TAF1: variants seen among roughly 807,000 people sequenced by gnomAD.
TAF1 encodes the protein transcription initiation factor TFIID subunit 1.
Under a neutral mutation model 138.5 loss-of-function variants are expected in TAF1, and 2 were observed. The ratio of observed to expected loss-of-function variants is 0.01; its 90% CI spans 0.01 to 0.05. TAF1 has a LOEUF of 0.05. Ranked by LOEUF, TAF1 falls within the 10% of genes least tolerant of loss-of-function variation. The pLI, the probability that TAF1 is intolerant of heterozygous loss-of-function variation, is 1.00. For missense variants in TAF1, 709 were observed against 1,478.0 expected (o/e 0.48, Z 8.53); for synonymous variants, 437 against 503.2 (o/e 0.87, Z 1.76).
chrX:71,420,028 T>G (rs923074977), intron 28 of TAF1: 6 of 296,812 alleles, frequency 2.0e-5, no homozygotes, highest in African/African-American at 1.6e-4. Flanking sequence ...AATTCTTTTT[T>G]TTTTTCCCCT....
At chrX:71,387,066 A>C (rs2034273569) in intron 14 of TAF1, 195 bp from the exon 15 acceptor site, 2 of 439,115 alleles carry the variant, frequency 4.6e-6, no homozygotes, top group Admixed American at 8.5e-5. Flanking sequence ...TCCCCTACTG[A>C]CTCTGAAAGA....
chrX:71,410,423 A>G (rs1475244472), intron 28 of TAF1, among the ~76,000 whole-genome samples: 2 of 103,868 alleles, frequency 1.9e-5, no homozygotes, highest in East Asian at 6.0e-4. Context: ...AAAGAGGAAG[A>G]TGACTTTACC....
At chrX:71,441,756 G>A (rs1174947399) in intron 32 of TAF1, 4 of 224,083 alleles carry the variant, frequency 1.8e-5, no homozygotes, top group Non-Finnish European at 3.3e-5. Flanking sequence ...CCATGTTGGT[G>A]TGCTGCATCC....
chrX:71,455,645 T>A (rs1353834738), intron 34 of TAF1, among the ~76,000 whole-genome samples: 5 of 112,275 alleles, frequency 4.5e-5, no homozygotes, highest in Non-Finnish European at 9.4e-5. Context: ...AAAGTTAACC[T>A]CTCTCACTTA....
intron 28 of TAF1, chrX:71,420,581 T>C: frequency 1.7e-6 from 2 of 1,209,960 alleles, no homozygotes; most frequent in South Asian, 3.5e-5. Flanking sequence ...TACCTCGTTC[T>C]GTAGCTCCTT....
intron 24 of TAF1, 33 bp from the exon 25 acceptor site, chrX:71,401,495 C>G (rs745705682): frequency 2.5e-6 from 3 of 1,205,164 alleles, no homozygotes; most frequent in Non-Finnish European, 3.4e-6. Flanking sequence ...AGCCTACTTA[C>G]CTCTGACGTG....
chrX:71,407,906 G>A, intron 27 of TAF1, 68 bp from the exon 28 acceptor site: 1 of 1,155,460 alleles, frequency 8.7e-7, no homozygotes, highest in Non-Finnish European at 1.2e-6. Context: ...GGTAAGATGT[G>A]AAAGTCTTCA....
chrX:71,368,045 T>C lies in TAF1; in HGVS notation c.236-9T>C, dbSNP rs1402791018. 8.3e-7 allele frequency: 1 copy of C among 1,206,551 alleles called. No individual in the cohort carries two copies. Among genetic ancestry groups the C allele is most frequent in the East Asian group, 3.0e-5 (1 of 33,742 alleles). ...ACTGTTGTTGCGATTCTCCCTGCTT[T>C]TTTCATAGGGTGGGTTAGGAGTACA... On this transcript the variant is annotated splice_polypyrimidine_tract_variant and intron_variant, in intron 2 of 37. Coordinates refer to ENST00000423759, the MANE Select transcript of TAF1 (RefSeq NM_004606.5).
intron 13 of TAF1, among the ~76,000 whole-genome samples, chrX:71,489,451 C>A (rs1018798680): frequency 9.0e-6 from 1 of 110,671 alleles, no homozygotes; most frequent in Non-Finnish European, 1.9e-5. Context: ...CCGAGGCAGG[C>A]GGATCACCCG....
At chrX:71,399,603 ACT>A (rs1226773915) in intron 24 of TAF1, among the ~76,000 whole-genome samples, 9 of 70,869 alleles carry the variant, frequency 1.3e-4, no homozygotes, top group African/African-American at 5.3e-4. Context: ...ACAGTGTCTC[ACT>A]CTGTTACCCA....
chrX:71,459,058 A>G, intron 35 of TAF1: 2 of 610,672 alleles, frequency 3.3e-6, no homozygotes, highest in Non-Finnish European at 4.7e-6. Flanking sequence ...CTGGGATATC[A>G]GGGAGGAGCA....
At position 71,484,621 on chromosome X, in the gene TAF1, C is replaced by T. The variant is rs942022673; in HGVS notation, c.1366+23818C>T. Among the ~76,000 whole-genome samples, 25 of 111,562 alleles carry T rather than the reference C, an allele frequency of 2.2e-4. 1 individual carries two copies. The highest frequency in any genetic ancestry group is 1.9e-3 in the Admixed American group (20 of 10,396). On this transcript the variant is annotated intron_variant and NMD_transcript_variant, in intron 13 of 14. Coordinates refer to the TAF1 transcript ENST00000373775. ...TGCTGGGATTACAGGTGTGAGCCAC[C>T]GCGCCTGGCCAAAATTAACTTATTA...
In TAF1 at chrX:71,453,670, A is replaced by T. The variant is rs2038155265; in HGVS notation, c.4754-500A>T. 2.7e-5 allele frequency among the ~76,000 whole-genome samples: 3 copies of T among 110,424 alleles called. No homozygotes were observed. In the South Asian group the frequency reaches 1.2e-3, roughly 44 times the overall value. On this transcript the variant is annotated intron_variant, in intron 32 of 37. Coordinates refer to ENST00000423759, the MANE Select transcript of TAF1 (RefSeq NM_004606.5). ...TGGGTTTTGAAAAATGTATAATGAC[A>T]TGTATCCACCATTATATTATCAGAC...
intron 13 of TAF1, among the ~76,000 whole-genome samples, chrX:71,507,872 G>A (rs1289277985): frequency 3.6e-5 from 4 of 109,845 alleles, no homozygotes; most frequent in Admixed American, 9.8e-5. Flanking sequence ...GATATAGGCC[G>A]GGCATGGTGG....
At position 71,391,582 on chromosome X, in the gene TAF1, A is replaced by G. The variant is rs779951219; in HGVS notation, c.2782-987A>G. Reference sequence around the variant, plus strand: ...AAAGAATTCTGTTGAATGGCTTTCCAGATTGAACCTTAGAGAATGGCCATT... The same window carrying G: ...AAAGAATTCTGTTGAATGGCTTTCCGGATTGAACCTTAGAGAATGGCCATT... On this transcript the variant is annotated intron_variant, in intron 18 of 37. Coordinates refer to ENST00000423759, the MANE Select transcript of TAF1 (RefSeq NM_004606.5). 2.7e-5 allele frequency among the ~76,000 whole-genome samples: 3 copies of G among 109,818 alleles called. No individual in the cohort carries two copies. The South Asian group carries it at 1.2e-3, about 42-fold the overall frequency.
intron 13 of TAF1, among the ~76,000 whole-genome samples, chrX:71,484,044 A>C (rs2039128029): frequency 9.2e-6 from 1 of 109,104 alleles, no homozygotes; most frequent in Admixed American, 9.9e-5. Context: ...TTTTTCTTTT[A>C]TTTTTTGTAG....
In TAF1 at chrX:71,522,962, AC is replaced by A. The variant is rs1399833335; in HGVS notation, c.1367-5578del. Among the ~76,000 whole-genome samples, 10 of 109,233 alleles carry A rather than the reference AC, an allele frequency of 9.2e-5. No homozygotes were observed. In the East Asian group the frequency reaches 1.7e-3, roughly 19 times the overall value. 94.9% of individuals were successfully genotyped at this position (109,233 alleles called of 115,157 possible). Reference sequence around the variant, plus strand: ...TTTGGGAGGCCGAGGCAAGGAGATCACCTGAGCTCAGGAGTTCAAGACCAGC... The same window carrying A: ...TTTGGGAGGCCGAGGCAAGGAGATCACTGAGCTCAGGAGTTCAAGACCAGC... On this transcript the variant is annotated intron_variant and NMD_transcript_variant, in intron 13 of 14. Coordinates refer to the TAF1 transcript ENST00000373775.
intron 13 of TAF1, among the ~76,000 whole-genome samples, chrX:71,483,770 C>CTATATA (rs1366024216): frequency 9.1e-5 from 7 of 77,147 alleles, no homozygotes; most frequent in South Asian, 7.2e-4. Context: ...CTCTCTCTCT[C>CTATATA]TCTCTCTCTC....
intron 13 of TAF1, among the ~76,000 whole-genome samples, chrX:71,512,327 C>A (rs1349907627): frequency 9.0e-6 from 1 of 110,786 alleles, no homozygotes; most frequent in East Asian, 2.8e-4. Flanking sequence ...AAACAAAAAA[C>A]AAAACAAAAC....
Sources: allele counts gnomAD v4.1 joint callset (sites outside exome capture counted in the v4.1 genomes callset), GRCh38; gene constraint gnomAD v4.1.1; transcripts MANE v1.5; gene names NCBI Gene and HGNC (gene_info 2026-07-23, HGNC 2026-07-21).